MBD5: variants seen among roughly 807,000 people sequenced by gnomAD.
MBD5 encodes methyl-CpG-binding domain protein 5.
In MBD5, 13 loss-of-function variants were observed where a neutral mutation model predicts 117.3. The ratio of observed to expected loss-of-function variants is 0.11; its 90% CI spans 0.07 to 0.18. MBD5 has a LOEUF of 0.18. MBD5 is among the 10% of genes least tolerant of loss of function. The probability of loss-of-function intolerance (pLI) is 1.00; values close to 1 mark genes in which losing one functional copy is unlikely to be tolerated. For synonymous variants in MBD5, 727 were observed against 766.4 expected, an observed-to-expected ratio of 0.95 and a Z score of 0.85; for missense variants, 1,879 against 2,093.8, an observed-to-expected ratio of 0.90 and a Z score of 2.00.
At chr2:148,146,505 A>G (rs932715142) in intron 1 of MBD5, among the ~76,000 whole-genome samples, 1 of 151,960 alleles carries the variant, frequency 6.6e-6, no homozygotes, top group African/African-American at 2.4e-5. Flanking sequence ...CCAAAGTGTT[A>G]GGATTATAGG....
chr2:148,260,383 T>C (rs1053412290), intron 3 of MBD5, among the ~76,000 whole-genome samples: 6 of 152,220 alleles, frequency 3.9e-5, no homozygotes, highest in African/African-American at 1.4e-4. Context: ...AGCAATTCAG[T>C]CACATCTGCA....
intron 3 of MBD5, among the ~76,000 whole-genome samples, chr2:148,322,623 G>A (rs1322714042): frequency 1.3e-5 from 2 of 151,986 alleles, no homozygotes; most frequent in African/African-American, 4.8e-5. Flanking sequence ...GTGGCAGTTT[G>A]GAAACTGTAG....
chr2:148,342,606 T>C (rs1189677521), intron 4 of MBD5, among the ~76,000 whole-genome samples: 2 of 152,014 alleles, frequency 1.3e-5, no homozygotes, highest in Non-Finnish European at 2.9e-5. Flanking sequence ...TATTTTGTTA[T>C]ATCTTCCTGA....
intron 3 of MBD5, among the ~76,000 whole-genome samples, chr2:148,301,170 A>G (rs1474437338): frequency 6.6e-6 from 1 of 152,270 alleles, no homozygotes; most frequent in Non-Finnish European, 1.5e-5. Context: ...TGCCAATAGA[A>G]TATGAGTTAA....
chr2:148,258,212 A>G (rs112980332), intron 3 of MBD5, among the ~76,000 whole-genome samples: 19,282 of 152,132 alleles, frequency 0.13, 1,480 homozygotes, highest in Non-Finnish European at 0.18. Context: ...CCCTGGCTGT[A>G]GTTTGTAATG....
intron 3 of MBD5, among the ~76,000 whole-genome samples, chr2:148,337,249 A>G (rs186507970): frequency 7.8e-4 from 118 of 152,050 alleles, no homozygotes; most frequent in Non-Finnish European, 4.4e-5. Flanking sequence ...TGTGTACTCT[A>G]TGTTTTTAGT....
chr2:148,147,821 A>T (rs1456484679), intron 1 of MBD5, among the ~76,000 whole-genome samples: 1 of 152,064 alleles, frequency 6.6e-6, no homozygotes, highest in African/African-American at 2.4e-5. Flanking sequence ...GCTCCAGCAG[A>T]CTGTTTACTA....
At chr2:148,249,912 A>T (rs1258301180) in intron 3 of MBD5, among the ~76,000 whole-genome samples, 3 of 152,176 alleles carry the variant, frequency 2.0e-5, no homozygotes, top group Non-Finnish European at 4.4e-5. Context: ...GACAGTGCAC[A>T]GGATAACCCT....
chr2:148,383,234 G>C (rs1477974589), intron 4 of MBD5, among the ~76,000 whole-genome samples: 1 of 151,810 alleles, frequency 6.6e-6, no homozygotes, highest in African/African-American at 2.4e-5. Flanking sequence ...AGAAGAGAGA[G>C]AAGAATCAAA....
intron 4 of MBD5, among the ~76,000 whole-genome samples, chr2:148,412,602 C>A (rs1705295785): frequency 6.6e-6 from 1 of 151,946 alleles, no homozygotes; most frequent in African/African-American, 2.4e-5. Context: ...ATGGAAGTTT[C>A]TTCCATTTGT....
intron 1 of MBD5, among the ~76,000 whole-genome samples, chr2:148,099,089 A>C (rs1696140532): frequency 6.6e-6 from 1 of 152,086 alleles, no homozygotes; most frequent in African/African-American, 2.4e-5. Flanking sequence ...GATAATACAA[A>C]AAAGACTAAT....
chr2:148,313,045 C>T (rs188986734), intron 3 of MBD5, among the ~76,000 whole-genome samples: 5 of 152,178 alleles, frequency 3.3e-5, no homozygotes, highest in African/African-American at 9.6e-5. Context: ...GAGTGGCACC[C>T]GCTAGATGCC....
At chr2:148,449,778 A>G (rs754980665) in intron 4 of MBD5, among the ~76,000 whole-genome samples, 2 of 152,104 alleles carry the variant, frequency 1.3e-5, no homozygotes, top group African/African-American at 2.4e-5. Flanking sequence ...AAGCTTTCCA[A>G]TAAAAAGCTT....
chr2:148,195,947 C>T (rs1698975604), intron 2 of MBD5, among the ~76,000 whole-genome samples: 1 of 152,062 alleles, frequency 6.6e-6, no homozygotes, highest in Non-Finnish European at 1.5e-5. Context: ...ACCAAAGTAA[C>T]AAGGCAACAA....
At chr2:148,475,169 T>C (rs1283164433) in intron 8 of MBD5, among the ~76,000 whole-genome samples, 1 of 152,138 alleles carries the variant, frequency 6.6e-6, no homozygotes, top group East Asian at 1.9e-4. Flanking sequence ...CACTCAAATT[T>C]TTAAATGCTT....
chr2:148,386,506 C>T (rs1293074765), intron 4 of MBD5, among the ~76,000 whole-genome samples: 2 of 151,750 alleles, frequency 1.3e-5, no homozygotes, highest in African/African-American at 2.4e-5. Flanking sequence ...ATCACGAGGT[C>T]AGGAGATCGA....
chr2:148,292,401 G>A lies in MBD5; in HGVS notation c.-679-49813G>A, dbSNP rs527791307. On this transcript the variant is annotated intron_variant, in intron 3 of 13. Coordinates refer to ENST00000642680, the MANE Select transcript of MBD5 (RefSeq NM_001378120.1). ...ATCTAACAATACAATTTAAAAATGG[G>A]CAAAAGATTTGATTCAATAGACATT... 3.3e-5 allele frequency among the ~76,000 whole-genome samples: 5 copies of A among 152,244 alleles called. No homozygotes were observed. The East Asian group carries it at 9.6e-4, about 29-fold the overall frequency.
intron 1 of MBD5, among the ~76,000 whole-genome samples, chr2:148,088,954 A>G (rs1429383235): frequency 2.0e-5 from 3 of 152,160 alleles, no homozygotes; most frequent in African/African-American, 7.2e-5. Flanking sequence ...GTTGTCTTCA[A>G]GAGACTCACC....
intron 11 of MBD5, among the ~76,000 whole-genome samples, chr2:148,499,542 A>T (rs1165488632): frequency 6.6e-6 from 1 of 152,214 alleles, no homozygotes; most frequent in Non-Finnish European, 1.5e-5. Flanking sequence ...TAATTCATGA[A>T]ACTCCTGGCT....
Sources: allele counts gnomAD v4.1 joint callset (sites outside exome capture counted in the v4.1 genomes callset), GRCh38; gene constraint gnomAD v4.1.1; transcripts MANE v1.5; gene names NCBI Gene and HGNC (gene_info 2026-07-23, HGNC 2026-07-21).